The following ST6GALNAC2 variants were observed in gnomAD, a reference collection of about 807,000 sequenced individuals.
ST6GALNAC2 encodes ST6 N-acetylgalactosaminide alpha-2,6-sialyltransferase 2, also known as alpha-N-acetylgalactosaminide alpha-2,6-sialyltransferase 2.
A neutral mutation model predicts 38.7 loss-of-function variants in ST6GALNAC2; 42 were observed. The observed-to-expected ratio is 1.09, with a 90% confidence interval of 0.85 to 1.40. The LOEUF (loss-of-function observed/expected upper bound fraction) is 1.40, where lower values mean the gene tolerates loss of function less well. Ranked by LOEUF, ST6GALNAC2 falls within the 40% of genes most tolerant of loss-of-function variation. ST6GALNAC2 has a pLI of 0.00. For missense variants in ST6GALNAC2, 506 were observed against 481.7 expected, an observed-to-expected ratio of 1.05 and a Z score of -0.47; for synonymous variants, 233 against 209.0, an observed-to-expected ratio of 1.11 and a Z score of -0.99.
At chr17:76,576,151 G>A (rs560834818) in intron 2 of ST6GALNAC2, among the ~76,000 whole-genome samples, 4 of 152,310 alleles carry the variant, frequency 2.6e-5, no homozygotes, top group African/African-American at 7.2e-5. Context: ...GGGAAGCTGA[G>A]GTGGGAGGAT....
chr17:76,579,175 T>C (rs1218395116), intron 1 of ST6GALNAC2, among the ~76,000 whole-genome samples: 1 of 152,256 alleles, frequency 6.6e-6, no homozygotes, highest in Non-Finnish European at 1.5e-5. Context: ...CACCTTGGCC[T>C]TCCAAAGTGC....
intron 1 of ST6GALNAC2, among the ~76,000 whole-genome samples, chr17:76,583,220 CA>C (rs1200849504): frequency 6.6e-6 from 1 of 151,686 alleles, no homozygotes; most frequent in African/African-American, 2.4e-5. Context: ...CTAAAACATA[CA>C]AAAAATCAGC....
chr17:76,567,566 G>C lies in ST6GALNAC2; in HGVS notation c.858-14C>G. 6.4e-7 allele frequency: 1 copy of C among 1,571,610 alleles called. No individual in the cohort carries two copies. Among genetic ancestry groups the C allele is most frequent in the Non-Finnish European group, 8.8e-7 (1 of 1,141,448 alleles). ...GATTTCAAGAACCTGGAAGCAAAAA[G>C]AGACATTTCAGCTCACTAGCTTGAT... On this transcript the variant is annotated splice_polypyrimidine_tract_variant and intron_variant, in intron 7 of 8. Coordinates refer to ENST00000225276, the MANE Select transcript of ST6GALNAC2 (RefSeq NM_006456.3).
In ST6GALNAC2 at chr17:76,572,695, A is replaced by G. The variant is rs761750935; in HGVS notation, c.611T>C (p.Met204Thr). The change falls in exon 5 of 9, where the codon ATG becomes ACG. Residue 204 changes from methionine to threonine, a missense_variant. Coordinates refer to ENST00000225276, the MANE Select transcript of ST6GALNAC2 (RefSeq NM_006456.3). ...CCAGTAGGAGACGAGGGAGTTCTTC[A>G]TCGTGTTCACAGTGAAACCATAGAA... Reference protein sequence around the residue: ...TSFYGFTVNTMKNSLVSYWNL... With the variant: ...TSFYGFTVNTTKNSLVSYWNL... 4.2e-5 allele frequency: 67 copies of G among 1,614,064 alleles called. No individual in the cohort carries two copies. Among genetic ancestry groups the G allele is most frequent in the Non-Finnish European group, 5.6e-5 (66 of 1,180,018 alleles).
chr17:76,573,159 T>TGCCCCCCCCCCCCC lies in ST6GALNAC2; in HGVS notation c.530+35_530+36insGGGGGGGGGGGGGC. The TGCCCCCCCCCCCCC allele has an allele frequency of 6.5e-7, 1 of 1,530,324 alleles. No individual in the cohort carries two copies. Among genetic ancestry groups the TGCCCCCCCCCCCCC allele is most frequent in the Non-Finnish European group, 8.9e-7 (1 of 1,120,832 alleles). The allele number at this position is 1,530,324 out of a possible 1,614,324, so 94.8% of individuals were successfully genotyped here. On this transcript the variant is annotated intron_variant, in intron 4 of 8. Transcript: ENST00000225276. The surrounding 1 kb of genome is among the most constrained non-coding windows in gnomAD (Gnocchi z 5.1). ...GACACCCCCACCCTCCAGGCAACTC[T>TGCCCCCCCCCCCCC]CCCTCCCGCCCCTCCCCAGCTCCTA...
At chr17:76,580,002 T>C (rs1017920583) in intron 1 of ST6GALNAC2, among the ~76,000 whole-genome samples, 1 of 152,220 alleles carries the variant, frequency 6.6e-6, no homozygotes, top group African/African-American at 2.4e-5. Flanking sequence ...CTGTGTGATC[T>C]TGGGCAGTTG....
chr17:76,565,377 T>C lies in ST6GALNAC2; in HGVS notation c.*727A>G, dbSNP rs530813967. On this transcript the variant is annotated 3_prime_UTR_variant, in exon 9 of 9. Coordinates refer to ENST00000225276, the MANE Select transcript of ST6GALNAC2 (RefSeq NM_006456.3). ...GAGTTCAAATTTACTGACGCCATGA[T>C]ATGAGGATGAAGGTTTATTACCTGG... is the stretch of plus-strand genomic sequence containing the variant. 1.1e-4 allele frequency: 12 copies of C among 110,992 alleles called. No homozygotes were observed. The highest frequency in any genetic ancestry group is 5.5e-4 in the South Asian group (2 of 3,638). 6.9% of individuals were successfully genotyped at this position (110,992 alleles called of 1,614,324 possible).
intron 1 of ST6GALNAC2, among the ~76,000 whole-genome samples, chr17:76,580,288 C>T (rs1189106977): frequency 6.6e-6 from 1 of 151,726 alleles, no homozygotes; most frequent in Non-Finnish European, 1.5e-5. Context: ...CATGTTGGCA[C>T]ATGCCTGTAA....
At chr17:76,578,860 C>G (rs972181977) in intron 1 of ST6GALNAC2, 44 bp from the exon 2 acceptor site, 1 of 1,588,384 alleles carries the variant, frequency 6.3e-7, no homozygotes, top group Admixed American at 1.7e-5. Flanking sequence ...CAGCTCTGAC[C>G]TACCCCTTGG....
chr17:76,566,199 G>GCTT lies in ST6GALNAC2; in HGVS notation c.1027_1029dup (p.Lys343dup). The GCTT allele has an allele frequency of 1.2e-6, 2 of 1,614,118 alleles. No homozygotes were observed. Among genetic ancestry groups the GCTT allele is most frequent in the Non-Finnish European group, 1.7e-6 (2 of 1,180,044 alleles). ...TCGTGGTTTGCATAAAATATCAATGGCTTCATTTTTCGTTCGAAATAGTGG... is the reference window on the plus strand; with the variant it reads ...TCGTGGTTTGCATAAAATATCAATGGCTTCTTCATTTTTCGTTCGAAATAGTGG... On this transcript the variant is annotated inframe_insertion, in exon 9 of 9. Transcript: ENST00000225276.
In ST6GALNAC2 at chr17:76,585,798, G is replaced by A. The variant is rs148525024; in HGVS notation, c.11C>T (p.Pro4Leu). 641 of 1,551,256 alleles carry A rather than the reference G, an allele frequency of 4.1e-4. 2 individuals are homozygous for A. The African/African-American group carries it at 7.9e-3, about 19-fold the overall frequency. The change falls in exon 1 of 9, where the codon CCG becomes CTG. Residue 4 changes from proline to leucine, a missense_variant. By Grantham distance (98) the Pro-to-Leu change is moderately conservative. Transcript: ENST00000225276. ...CAGCAGCCAGAAGAACGACCCGCGC[G>A]GGAGCCCCATACAGCCCCGGCCCGC... MGLPRGSFFWLLLL... is the reference protein window; with the variant it reads MGLLRGSFFWLLLL...
rs573886268 is a variant in ST6GALNAC2, at chr17:76,565,823, C to G, written c.*281G>C. 4 of 341,752 alleles carry G rather than the reference C, an allele frequency of 1.2e-5. No individual in the cohort carries two copies. Among genetic ancestry groups the G allele is most frequent in the Middle Eastern group, 8.5e-4 (1 of 1,170 alleles). 21.2% of individuals were successfully genotyped at this position (341,752 alleles called of 1,614,324 possible). Reference sequence around the variant, plus strand: ...TGTCTGATCTTGCTGAACACTCCACCGACATTTCCTAAAGTTGCTCAGTGC... The same window carrying G: ...TGTCTGATCTTGCTGAACACTCCACGGACATTTCCTAAAGTTGCTCAGTGC... On this transcript the variant is annotated 3_prime_UTR_variant, in exon 9 of 9. Transcript: ENST00000225276.
At chr17:76,578,706 C>A in intron 2 of ST6GALNAC2, 50 bp downstream of exon 2, 2 of 1,546,154 alleles carry the variant, frequency 1.3e-6, no homozygotes, top group Admixed American at 1.8e-5. Context: ...CCCTCCTCCC[C>A]ACTAATTTGA....
At position 76,573,188 on chromosome 17, in the gene ST6GALNAC2, C is replaced by T. The variant is rs1040084165; in HGVS notation, c.530+7G>A. The stretch of plus-strand genomic sequence containing the variant: ...TCCCGCCCCTCCCCAGCTCCTACCC[C>T]TCATACCTGAATACATAGTCATGGG... On this transcript the variant is annotated splice_region_variant and intron_variant, in intron 4 of 8. Coordinates refer to ENST00000225276, the MANE Select transcript of ST6GALNAC2 (RefSeq NM_006456.3). This position sits in a 1 kb window ranked among gnomAD's most constrained non-coding sequence, Gnocchi z 5.1. 4.3e-6 allele frequency: 7 copies of T among 1,610,878 alleles called. No individual in the cohort carries two copies. Among genetic ancestry groups the T allele is most frequent in the Non-Finnish European group, 5.9e-6 (7 of 1,178,500 alleles).
intron 2 of ST6GALNAC2, among the ~76,000 whole-genome samples, chr17:76,576,179 T>C (rs1309994374): frequency 6.6e-6 from 1 of 151,976 alleles, no homozygotes; most frequent in Non-Finnish European, 1.5e-5. Flanking sequence ...ACCTGGGAGA[T>C]TGAGGCTGCA....
chr17:76,584,795 G>A (rs1007480108), intron 1 of ST6GALNAC2, among the ~76,000 whole-genome samples: 1 of 152,232 alleles, frequency 6.6e-6, no homozygotes, highest in African/African-American at 2.4e-5. Context: ...AGGTTGGTAG[G>A]GGGTGCGCAG....
chr17:76,574,290 A>G, intron 3 of ST6GALNAC2, 75 bp downstream of exon 3: 1 of 1,524,884 alleles, frequency 6.6e-7, no homozygotes, highest in Non-Finnish European at 8.9e-7. Flanking sequence ...GAGGGCAGAG[A>G]GGCCTGGCCT....
intron 6 of ST6GALNAC2, 117 bp downstream of exon 6, chr17:76,570,448 A>G (rs3744054): frequency 0.68 from 442,813 of 649,880 alleles, 152,262 homozygotes; most frequent in East Asian, 0.77. Context: ...GGCTGTTCTT[A>G]CTGCCCTTCA....
intron 6 of ST6GALNAC2, 35 bp from the exon 7 acceptor site, chr17:76,568,831 G>A: frequency 1.2e-6 from 2 of 1,608,786 alleles, no homozygotes; most frequent in Non-Finnish European, 1.7e-6. Flanking sequence ...AGAGCGCCCA[G>A]AGCCGTCGTA....
Sources: allele counts gnomAD v4.1 joint callset (sites outside exome capture counted in the v4.1 genomes callset), GRCh38; gene constraint gnomAD v4.1.1; non-coding constraint Gnocchi (gnomAD v3.1); transcripts MANE v1.5; gene names NCBI Gene and HGNC (gene_info 2026-07-23, HGNC 2026-07-21).